The following PTPRK variants were observed in gnomAD, a reference collection of about 807,000 sequenced individuals.
PTPRK encodes protein tyrosine phosphatase receptor type K, also known as receptor-type tyrosine-protein phosphatase kappa.
A neutral mutation model predicts 178.0 loss-of-function variants in PTPRK; 75 were observed. That is an observed-to-expected ratio of 0.42 (90% CI 0.35 to 0.51). PTPRK has a LOEUF of 0.51. PTPRK is among the 20% of genes least tolerant of loss of function. PTPRK has a pLI of 0.02. For synonymous variants in PTPRK, 637 were observed against 620.6 expected (o/e 1.03, Z -0.39); for missense variants, 1,441 against 1,797.8 (o/e 0.80, Z 3.59).
chr6:128,189,606 G>C (rs1173052980), intron 6 of PTPRK, among the ~76,000 whole-genome samples: 1 of 152,090 alleles, frequency 6.6e-6, no homozygotes, highest in Non-Finnish European at 1.5e-5. Flanking sequence ...TGTTTTACAG[G>C]AGTCCACTGC....
At chr6:128,440,036 C>A (rs1336928207) in intron 1 of PTPRK, among the ~76,000 whole-genome samples, 1 of 152,078 alleles carries the variant, frequency 6.6e-6, no homozygotes, top group Non-Finnish European at 1.5e-5. Context: ...TCAACCAAAC[C>A]AGAGAGAAAA....
intron 13 of PTPRK, among the ~76,000 whole-genome samples, chr6:128,035,338 C>A (rs187611835): frequency 2.6e-5 from 4 of 151,802 alleles, no homozygotes; most frequent in East Asian, 3.9e-4. Context: ...TGCACTCCAG[C>A]CTGGGTGACA....
rs147715597 is a variant in PTPRK at position 128,225,341 on chromosome 6, T to C, written c.694-6245A>G. 4.8e-3 allele frequency among the ~76,000 whole-genome samples: 732 copies of C among 152,288 alleles called. 9 individuals are homozygous for C. The highest frequency in any genetic ancestry group is 0.017 in the African/African-American group (698 of 41,572). ...CTTATGTTTGATATTTAGGTCCCTG[T>C]TGAACAGCATCAAGAAGACTGCATA... is the stretch of plus-strand genomic sequence containing the variant. On this transcript the variant is annotated intron_variant, in intron 5 of 29. Transcript: ENST00000368226.
At chr6:128,200,891 AGGAGGGAGGGAGGGAG>A (rs1192559264) in intron 6 of PTPRK, among the ~76,000 whole-genome samples, 87 of 43,994 alleles carry the variant, frequency 2.0e-3, no homozygotes, top group African/African-American at 2.5e-3. Flanking sequence ...AAGGGAGGGA[AGGAGGGAGGGAGGGAG>A]GGAGGGAGGG....
intron 18 of PTPRK, among the ~76,000 whole-genome samples, chr6:127,994,666 A>G (rs933138110): frequency 1.3e-5 from 2 of 151,870 alleles, no homozygotes; most frequent in Admixed American, 1.3e-4. Flanking sequence ...TCCTTTAAAT[A>G]AAGAATTTCC....
intron 5 of PTPRK, among the ~76,000 whole-genome samples, chr6:128,234,260 C>T (rs1812822952): frequency 6.6e-6 from 1 of 152,192 alleles, no homozygotes; most frequent in South Asian, 2.1e-4. Context: ...TAGGCTATTA[C>T]CATCTATGGC....
At chr6:128,326,241 T>C (rs943008957) in intron 2 of PTPRK, among the ~76,000 whole-genome samples, 35 of 152,094 alleles carry the variant, frequency 2.3e-4, no homozygotes, top group African/African-American at 8.5e-4. Flanking sequence ...CAAACCACCA[T>C]GGCACATGTA....
chr6:128,078,248 C>T (rs1051559543), intron 11 of PTPRK, among the ~76,000 whole-genome samples: 3 of 151,908 alleles, frequency 2.0e-5, no homozygotes, highest in Non-Finnish European at 4.4e-5. Context: ...TAGAATTTTG[C>T]TCTTAACTAC....
intron 7 of PTPRK, among the ~76,000 whole-genome samples, chr6:128,146,878 T>A (rs1421701661): frequency 6.6e-6 from 1 of 152,338 alleles, no homozygotes; most frequent in African/African-American, 2.4e-5. Flanking sequence ...CAGTGTATAA[T>A]ACTCAACAAT....
At chr6:128,450,853 C>T (rs888177393) in intron 1 of PTPRK, among the ~76,000 whole-genome samples, 2 of 152,126 alleles carry the variant, frequency 1.3e-5, no homozygotes, top group East Asian at 1.9e-4. Context: ...ATTTCTGTTG[C>T]ATATCAAAAT....
rs116763796 is a variant in PTPRK, at chr6:128,058,443, T to A, written c.2194+6315A>T. ...CATAGGTTAATTGATCATTTTGTAT[T>A]TCCTTCTCTCTTAAGTGCTCAAGTG... On this transcript the variant is annotated intron_variant, in intron 13 of 29. Coordinates refer to ENST00000368226, the MANE Select transcript of PTPRK (RefSeq NM_002844.4). 8.2e-3 allele frequency among the ~76,000 whole-genome samples: 1,253 copies of A among 152,300 alleles called. 18 individuals are homozygous for A. The highest frequency in any genetic ancestry group is 0.028 in the African/African-American group (1,177 of 41,566).
At chr6:128,195,892 AT>A (rs1804773912) in intron 6 of PTPRK, among the ~76,000 whole-genome samples, 1 of 152,176 alleles carries the variant, frequency 6.6e-6, no homozygotes, top group Admixed American at 6.5e-5. Flanking sequence ...ATCAAATGAT[AT>A]TAATTAGCAA....
At chr6:128,478,765 A>T (rs1374552585) in intron 1 of PTPRK, among the ~76,000 whole-genome samples, 1 of 152,162 alleles carries the variant, frequency 6.6e-6, no homozygotes, top group East Asian at 1.9e-4. Flanking sequence ...TTGGTAAGAC[A>T]ATATTAAAGT....
At chr6:128,281,830 T>C (rs1434334871) in intron 3 of PTPRK, among the ~76,000 whole-genome samples, 1 of 152,198 alleles carries the variant, frequency 6.6e-6, no homozygotes, top group Non-Finnish European at 1.5e-5. Flanking sequence ...CAAACTCAAG[T>C]TTCTTTCAAC....
intron 13 of PTPRK, among the ~76,000 whole-genome samples, chr6:128,025,907 T>C (rs962906003): frequency 6.6e-6 from 1 of 152,200 alleles, no homozygotes; most frequent in Non-Finnish European, 1.5e-5. Flanking sequence ...TCAAGATCCT[T>C]TACTTAATCA....
At chr6:128,160,551 A>G (rs1290687413) in intron 7 of PTPRK, among the ~76,000 whole-genome samples, 1 of 151,700 alleles carries the variant, frequency 6.6e-6, no homozygotes, top group Non-Finnish European at 1.5e-5. Context: ...GAAAAAGTTT[A>G]GTCCAGAAAT....
intron 2 of PTPRK, among the ~76,000 whole-genome samples, chr6:128,385,028 A>T (rs1838494095): frequency 1.3e-5 from 2 of 149,772 alleles, no homozygotes; most frequent in South Asian, 4.2e-4. Context: ...GAGTTTCCTT[A>T]TCATTGTGTT....
At chr6:128,405,091 C>T (rs560941447) in intron 1 of PTPRK, among the ~76,000 whole-genome samples, 1 of 152,130 alleles carries the variant, frequency 6.6e-6, no homozygotes, top group Admixed American at 6.5e-5. Context: ...TCAGGCATCC[C>T]TGATATCACT....
chr6:128,263,422 G>A (rs1293071320), intron 3 of PTPRK, among the ~76,000 whole-genome samples: 1 of 152,028 alleles, frequency 6.6e-6, no homozygotes, highest in Admixed American at 6.6e-5. Context: ...TGATTTCAGA[G>A]GTAGAAATGC....
Sources: gnomAD v4.1 joint callset for allele counts (sites outside exome capture counted in the v4.1 genomes callset) on GRCh38, gnomAD v4.1.1 for gene constraint, MANE v1.5 for transcripts, NCBI Gene and HGNC (gene_info 2026-07-23, HGNC 2026-07-21) for gene names.